The following HDAC9 variants were observed in gnomAD, a reference collection of about 807,000 sequenced individuals.
HDAC9 encodes histone deacetylase 9, also known as MEF-2 interacting transcription repressor (MITR) protein.
Under a neutral mutation model 139.4 loss-of-function variants are expected in HDAC9, and 41 were observed. The ratio of observed to expected loss-of-function variants is 0.29; its 90% confidence interval spans 0.23 to 0.38. The LOEUF (loss-of-function observed/expected upper bound fraction) is 0.38. Ranked by LOEUF, HDAC9 falls within the 10% of genes least tolerant of loss-of-function variation. The pLI is 1.00. For missense variants in HDAC9, 1,147 were observed against 1,297.0 expected, an observed-to-expected ratio of 0.88 and a Z score of 1.78; for synonymous variants, 517 against 476.2, an observed-to-expected ratio of 1.09 and a Z score of -1.12.
Position 18,644,738 on chromosome 7 carries a change from C to T in HDAC9, c.980C>T (p.Ser327Phe), listed in dbSNP as rs1454735742. ...DSMNLLSLYT[S>F]PSLPNITLGL... ...ATGAACCTGCTAAGTCTTTATACCT[C>T]TCCTTCTTTGCCCAACATTACCTTG... Residue 327 changes from serine to phenylalanine, a missense_variant, in exon 9 of 26, where the codon TCT (serine) becomes TTT (phenylalanine). Transcript: ENST00000686413. The T allele has an allele frequency of 6.2e-7, 1 of 1,612,208 alleles. No homozygotes were observed. Among genetic ancestry groups the T allele is most frequent in the Non-Finnish European group, 8.5e-7 (1 of 1,179,018 alleles).
At chr7:18,130,596 C>CATCA (rs1784939879) in intron 1 of HDAC9, among the ~76,000 whole-genome samples, 1 of 152,110 alleles carries the variant, frequency 6.6e-6, no homozygotes, top group African/African-American at 2.4e-5. Flanking sequence ...GTTGTGCACC[C>CATCA]ATCACTACAA....
At chr7:18,935,769 T>C in intron 22 of HDAC9, 40 bp from the exon 23 acceptor site, 1 of 1,584,752 alleles carries the variant, frequency 6.3e-7, no homozygotes, top group Middle Eastern at 1.7e-4. Flanking sequence ...CACTTTCTCT[T>C]GATTTAATAC....
intron 21 of HDAC9, among the ~76,000 whole-genome samples, chr7:18,859,856 A>ATATATATG (rs1554381815): frequency 2.2e-4 from 26 of 117,258 alleles, no homozygotes; most frequent in African/African-American, 4.6e-4. Flanking sequence ...ATATATATAT[A>ATATATATG]TATGTGAGAG....
Position 18,996,081 on chromosome 7 carries a change from G to C in HDAC9, c.*19G>C, listed in dbSNP as rs771921178. 2 of 1,588,252 alleles carry C rather than the reference G, an allele frequency of 1.3e-6. No homozygotes were observed. The highest frequency in any genetic ancestry group is 1.1e-5 in the South Asian group (1 of 88,102). Reference sequence around the variant, plus strand: ...CTTGTGAAGTGCCAAGTCCCCCTCTGATATTTCCTGTGTGTGACATCATTG... The same window carrying C: ...CTTGTGAAGTGCCAAGTCCCCCTCTCATATTTCCTGTGTGTGACATCATTG... On this transcript the variant is annotated 3_prime_UTR_variant, in exon 26 of 26. Coordinates refer to ENST00000686413, the MANE Select transcript of HDAC9 (RefSeq NM_178425.4).
At chr7:18,900,391 T>C (rs911315516) in intron 22 of HDAC9, among the ~76,000 whole-genome samples, 3 of 152,158 alleles carry the variant, frequency 2.0e-5, no homozygotes, top group Non-Finnish European at 2.9e-5. Context: ...GAAGAACAGA[T>C]GGCCCTTAAT....
intron 25 of HDAC9, among the ~76,000 whole-genome samples, chr7:18,992,921 G>C (rs2129352056): frequency 6.6e-6 from 1 of 152,114 alleles, no homozygotes; most frequent in South Asian, 2.1e-4. Context: ...CGAACTTACT[G>C]TCTTCAGCTC....
intron 21 of HDAC9, among the ~76,000 whole-genome samples, chr7:18,863,085 T>G (rs1446602001): frequency 2.0e-5 from 3 of 152,340 alleles, no homozygotes; most frequent in African/African-American, 7.2e-5. Flanking sequence ...AAAGGACGAT[T>G]TTCTGATGTT....
intron 23 of HDAC9, among the ~76,000 whole-genome samples, chr7:18,938,049 G>A (rs1219971475): frequency 6.6e-6 from 1 of 152,008 alleles, no homozygotes; most frequent in Non-Finnish European, 1.5e-5. Flanking sequence ...AGTGTGTTTT[G>A]TACCTTGCTG....
intron 21 of HDAC9, among the ~76,000 whole-genome samples, chr7:18,872,643 G>A (rs140485170): frequency 6.6e-6 from 1 of 152,234 alleles, no homozygotes; most frequent in African/African-American, 2.4e-5. Context: ...CTTATACTCT[G>A]TAGATCATCT....
At chr7:18,749,248 A>G (rs1788240594) in intron 14 of HDAC9, 110 bp downstream of exon 14, 4 of 1,107,916 alleles carry the variant, frequency 3.6e-6, no homozygotes, top group Non-Finnish European at 5.2e-6. Flanking sequence ...TGCAAACACC[A>G]TGATTGATGA....
intron 1 of HDAC9, among the ~76,000 whole-genome samples, chr7:18,292,810 T>A (rs1362810938): frequency 6.6e-6 from 1 of 152,072 alleles, no homozygotes; most frequent in Admixed American, 6.6e-5. Context: ...TTCTGGGAGG[T>A]GCTGAAGAGA....
intron 2 of HDAC9, among the ~76,000 whole-genome samples, chr7:18,186,157 G>T (rs1789896846): frequency 6.6e-6 from 1 of 152,190 alleles, no homozygotes; most frequent in Admixed American, 6.5e-5. Context: ...TATATTTCTT[G>T]TTATCGACTG....
At chr7:18,472,248 A>T (rs2128120904) in intron 1 of HDAC9, among the ~76,000 whole-genome samples, 1 of 152,336 alleles carries the variant, frequency 6.6e-6, no homozygotes, top group Admixed American at 6.5e-5. Flanking sequence ...ATTCCATGCT[A>T]AGAAATGACA....
intron 25 of HDAC9, among the ~76,000 whole-genome samples, chr7:18,991,764 T>C (rs1183456037): frequency 6.6e-6 from 1 of 152,264 alleles, no homozygotes; most frequent in Non-Finnish European, 1.5e-5. Flanking sequence ...TTCAAATCTT[T>C]GTCCAAACTG....
Position 18,744,287 on chromosome 7 carries a change from C to T in HDAC9, c.1910-4718C>T, listed in dbSNP as rs575708640. Among the ~76,000 whole-genome samples, 98 of 152,140 alleles carry T rather than the reference C, an allele frequency of 6.4e-4. No homozygotes were observed. The South Asian group carries it at 0.019, about 29-fold the overall frequency. ...GATTAGAGGCGTGAGCCACCGCGCCCGGCCTTTACTACTAGATTTTAAGTT... is the reference window on the plus strand; with the variant it reads ...GATTAGAGGCGTGAGCCACCGCGCCTGGCCTTTACTACTAGATTTTAAGTT... On this transcript the variant is annotated intron_variant, in intron 13 of 25. Transcript: ENST00000686413.
chr7:18,867,679 G>A (rs1798597959), intron 21 of HDAC9, among the ~76,000 whole-genome samples: 1 of 152,154 alleles, frequency 6.6e-6, no homozygotes, highest in African/African-American at 2.4e-5. Context: ...GCTTCACACT[G>A]GTTGGACTAA....
At chr7:18,358,558 T>C (rs1307863570) in intron 1 of HDAC9, among the ~76,000 whole-genome samples, 1 of 152,300 alleles carries the variant, frequency 6.6e-6, no homozygotes, top group East Asian at 1.9e-4. Flanking sequence ...TCTCTGAGGG[T>C]TGGAATTTGG....
intron 23 of HDAC9, among the ~76,000 whole-genome samples, chr7:18,953,466 T>C (rs1782943603): frequency 1.3e-5 from 2 of 152,134 alleles, no homozygotes; most frequent in South Asian, 4.1e-4. Flanking sequence ...CAATGCTTGC[T>C]GAGCTTCTCC....
intron 13 of HDAC9, among the ~76,000 whole-genome samples, chr7:18,735,927 C>T (rs373612862): frequency 3.3e-5 from 5 of 152,184 alleles, no homozygotes; most frequent in African/African-American, 1.2e-4. Flanking sequence ...TGGTTTGTAG[C>T]TCTCCTTGAA....
Sources: allele counts gnomAD v4.1 joint callset (sites outside exome capture counted in the v4.1 genomes callset), GRCh38; gene constraint gnomAD v4.1.1; transcripts MANE v1.5; gene names NCBI Gene and HGNC (gene_info 2026-07-23, HGNC 2026-07-21).